ARMC3: variants seen among roughly 807,000 people sequenced by gnomAD.
The protein encoded by ARMC3 is armadillo repeat containing 3.
A neutral mutation model predicts 90.3 loss-of-function variants in ARMC3; 74 were observed. That is an observed-to-expected ratio of 0.82 (90% CI 0.68 to 0.99). ARMC3 has a LOEUF of 0.99. ARMC3 is among the 50% of genes least tolerant of loss of function. The pLI is 0.00. For synonymous variants in ARMC3, 334 were observed against 361.8 expected (o/e 0.92, Z 0.87); for missense variants, 958 against 1,042.8 (o/e 0.92, Z 1.12).
intron 16 of ARMC3, among the ~76,000 whole-genome samples, chr10:23,023,487 A>G (rs1488746138): frequency 6.6e-6 from 1 of 152,226 alleles, no homozygotes; most frequent in East Asian, 1.9e-4. Context: ...AATACCAATG[A>G]GAAATGACAA....
chr10:22,943,976 GC>G (rs1834423421), intron 2 of ARMC3, among the ~76,000 whole-genome samples: 1 of 151,790 alleles, frequency 6.6e-6, no homozygotes, highest in African/African-American at 2.4e-5. Flanking sequence ...ATCATCTGCA[GC>G]ATTTAGTAAG....
In ARMC3 at chr10:22,944,457, C is replaced by T. The variant is rs550855322; in HGVS notation, c.49-1687C>T. 1.7e-3 allele frequency among the ~76,000 whole-genome samples: 253 copies of T among 152,266 alleles called. 1 individual carries two copies. Among genetic ancestry groups the T allele is most frequent in the Non-Finnish European group, 3.1e-3 (209 of 68,010 alleles). The stretch of plus-strand genomic sequence containing the variant: ...TCTTCAAATCATATCTGAAGTTCTA[C>T]CACATCCATGGAGCTTTCTCTATTT... On this transcript the variant is annotated intron_variant, in intron 2 of 18. Coordinates refer to ENST00000298032, the MANE Select transcript of ARMC3 (RefSeq NM_173081.5).
intron 3 of ARMC3, among the ~76,000 whole-genome samples, chr10:22,952,434 G>A (rs1834770941): frequency 6.6e-6 from 1 of 152,084 alleles, no homozygotes. Context: ...CTACAACTTA[G>A]ATTAAGTGGA....
rs1015671650 is a variant in ARMC3 at position 23,003,329 on chromosome 10, A to G, written c.1646A>G (p.Asn549Ser). ...FSEAAYNKLLNNNLSLKYSQT... is the reference protein window; with the variant it reads ...FSEAAYNKLLSNNLSLKYSQT... The stretch of plus-strand genomic sequence containing the variant: ...GAGGCAGCTTATAATAAGTTGCTCA[A>G]TAACAATCTTTCCCTGAAATACAGC... Residue 549 changes from asparagine to serine, a missense_variant, in exon 13 of 19, where the codon AAT (asparagine) becomes AGT (serine). Physicochemically the swap from Asn to Ser is conservative, Grantham distance 46. Transcript: ENST00000298032. The G allele has an allele frequency of 1.9e-6, 3 of 1,613,768 alleles. No homozygotes were observed. Among genetic ancestry groups the G allele is most frequent in the Non-Finnish European group, 8.5e-7 (1 of 1,179,828 alleles).
chr10:23,023,409 T>A (rs550862490), intron 16 of ARMC3, among the ~76,000 whole-genome samples: 1 of 152,138 alleles, frequency 6.6e-6, no homozygotes, highest in Non-Finnish European at 1.5e-5. Flanking sequence ...AGTTTCCCAA[T>A]ATAATAGACA....
chr10:23,001,857 TAAAAGCAC>T, intron 11 of ARMC3, 54 bp from the exon 12 acceptor site: 1 of 1,532,746 alleles, frequency 6.5e-7, no homozygotes, highest in Admixed American at 2.0e-5. Context: ...GAGATTTTTT[TAAAAGCAC>T]AAATAGTTAC....
intron 8 of ARMC3, among the ~76,000 whole-genome samples, chr10:22,979,556 C>T (rs909689719): frequency 6.6e-6 from 1 of 152,100 alleles, no homozygotes; most frequent in Non-Finnish European, 1.5e-5. Flanking sequence ...ATCATTTTGG[C>T]CAATTTTCCT....
chr10:22,966,607 A>T (rs1171885001), intron 7 of ARMC3, among the ~76,000 whole-genome samples: 1 of 152,196 alleles, frequency 6.6e-6, no homozygotes, highest in African/African-American at 2.4e-5. Flanking sequence ...TGGGTGTATT[A>T]GTCCATTTTT....
rs75802063 is a variant in ARMC3 at position 23,026,874 on chromosome 10, A to G, written c.2046-3722A>G. On this transcript the variant is annotated intron_variant, in intron 16 of 18. Coordinates refer to ENST00000298032, the MANE Select transcript of ARMC3 (RefSeq NM_173081.5). ...CCCAGTACCATTTGTTAAAAAGACC[A>G]TCCTTCTTCCATTGAATTGCTTTTG... 2.8e-3 allele frequency among the ~76,000 whole-genome samples: 434 copies of G among 152,288 alleles called. 4 individuals carry two copies. The highest frequency in any genetic ancestry group is 9.8e-3 in the African/African-American group (406 of 41,574).
intron 11 of ARMC3, among the ~76,000 whole-genome samples, chr10:23,000,653 C>T (rs1428241272): frequency 6.6e-6 from 1 of 152,164 alleles, no homozygotes; most frequent in Non-Finnish European, 1.5e-5. Flanking sequence ...AGATTACTAT[C>T]TCATATTATA....
intron 10 of ARMC3, among the ~76,000 whole-genome samples, chr10:22,990,938 T>TC (rs1010315577): frequency 7.2e-5 from 11 of 152,004 alleles, no homozygotes; most frequent in South Asian, 2.1e-4. Context: ...TCCACCTTTT[T>TC]CCCCGGGTTC....
intron 10 of ARMC3, among the ~76,000 whole-genome samples, chr10:22,992,530 G>A (rs1331741091): frequency 6.6e-6 from 1 of 152,018 alleles, no homozygotes; most frequent in Non-Finnish European, 1.5e-5. Flanking sequence ...TTAAGCATAA[G>A]CCTACAATTA....
chr10:22,979,193 G>C (rs1564368390), intron 8 of ARMC3, among the ~76,000 whole-genome samples: 1 of 152,048 alleles, frequency 6.6e-6, no homozygotes, highest in Non-Finnish European at 1.5e-5. Context: ...TTATTTTAGG[G>C]GTACTGAACA....
At position 22,936,019 on chromosome 10, in the gene ARMC3, G is replaced by A. The variant is rs73600572; in HGVS notation, c.48+3975G>A. Reference sequence around the variant, plus strand: ...TGAAAGCTTTTTATTTGTACTTATCGGCACCATAAAAATCACTCAACTGTG... The same window carrying A: ...TGAAAGCTTTTTATTTGTACTTATCAGCACCATAAAAATCACTCAACTGTG... On this transcript the variant is annotated intron_variant, in intron 2 of 18. Transcript: ENST00000298032. Among the ~76,000 whole-genome samples, 585 of 152,068 alleles carry A rather than the reference G, an allele frequency of 3.8e-3. 3 individuals carry two copies. Among genetic ancestry groups the A allele is most frequent in the African/African-American group, 0.012 (490 of 41,504 alleles).
In ARMC3 at chr10:23,002,053, C is replaced by T. The variant is rs775555498; in HGVS notation, c.1560C>T (p.Leu520=). Residue 520 remains leucine (L), a splice_region_variant and synonymous_variant, in exon 12 of 19, where the codon CTC becomes CTT. Transcript: ENST00000298032. Reference sequence around the variant, plus strand: ...TGACGGCCAATGAATTATGCAGGCTCGGGTGAGTGGATGCCATCTCAAGTT... The same window carrying T: ...TGACGGCCAATGAATTATGCAGGCTTGGGTGAGTGGATGCCATCTCAAGTT... The part of the protein sequence containing the change: ...DELTANELCR[L]GALDILEEVN... 19 of 1,613,150 alleles carry T rather than the reference C, an allele frequency of 1.2e-5. No homozygotes were observed. The highest frequency in any genetic ancestry group is 1.4e-5 in the Non-Finnish European group (16 of 1,179,610).
rs544214464 is a variant in ARMC3 at position 23,008,979 on chromosome 10, G to A, written c.2045+48G>A. ...TCATTACCCAGCCAGGCTGGTGGAA[G>A]GGAGGGGTGGCTCTTCAGTAGGAAG... On this transcript the variant is annotated intron_variant, in intron 16 of 18. Coordinates refer to ENST00000298032, the MANE Select transcript of ARMC3 (RefSeq NM_173081.5). 9.2e-5 allele frequency: 138 copies of A among 1,507,412 alleles called. 1 individual carries two copies. Among genetic ancestry groups the A allele is most frequent in the South Asian group, 1.7e-4 (15 of 85,750 alleles). The allele number at this position is 1,507,412 out of a possible 1,614,324, so 93.4% of individuals were successfully genotyped here. A position where few individuals can be genotyped will look rare whatever the true frequency, so the allele number is the denominator to read the frequency against.
chr10:22,933,902 A>G (rs1834024176), intron 2 of ARMC3, among the ~76,000 whole-genome samples: 1 of 151,980 alleles, frequency 6.6e-6, no homozygotes, highest in African/African-American at 2.4e-5. Context: ...AAACCAACCA[A>G]CCAACAAACA....
At chr10:22,952,888 G>T (rs1040855721) in intron 3 of ARMC3, among the ~76,000 whole-genome samples, 1 of 152,278 alleles carries the variant, frequency 6.6e-6, no homozygotes, top group African/African-American at 2.4e-5. Context: ...ATTAATCAAG[G>T]TATTTTACCG....
intron 10 of ARMC3, 99 bp from the exon 11 acceptor site, chr10:22,998,049 T>C (rs1837078496): frequency 7.5e-7 from 1 of 1,338,438 alleles, no homozygotes; most frequent in Non-Finnish European, 1.0e-6. Flanking sequence ...TCTAAAATCG[T>C]ATTTCTGTAC....
Sources: allele counts gnomAD v4.1 joint callset (sites outside exome capture counted in the v4.1 genomes callset), GRCh38; gene constraint gnomAD v4.1.1; transcripts MANE v1.5; gene names NCBI Gene and HGNC (gene_info 2026-07-23, HGNC 2026-07-21).